Variants in TENM2 observed in about 807,000 individuals in gnomAD.
TENM2 encodes the protein teneurin-2.
In TENM2, 52 loss-of-function variants were observed where a neutral mutation model predicts 245.2. The ratio of observed to expected loss-of-function variants is 0.21; its 90% CI spans 0.17 to 0.27. TENM2 has a LOEUF of 0.27. Among genes scored for constraint, TENM2 ranks in the 10% least tolerant of loss-of-function variants. The pLI, the probability that TENM2 is intolerant of heterozygous loss-of-function variation, is 1.00. For missense variants in TENM2, 3,046 were observed against 3,666.8 expected (o/e 0.83, Z 4.37); for synonymous variants, 1,363 against 1,438.9 (o/e 0.95, Z 1.19).
At chr5:168,155,328 A>T (rs965448582) in intron 12 of TENM2, among the ~76,000 whole-genome samples, 1 of 151,240 alleles carries the variant, frequency 6.6e-6, no homozygotes, top group Non-Finnish European at 1.5e-5. Context: ...TAATTCCAAC[A>T]ATGCACAGCT....
At chr5:167,869,535 A>G (rs79756871) in intron 2 of TENM2, among the ~76,000 whole-genome samples, 2,350 of 152,326 alleles carry the variant, frequency 0.015, 71 homozygotes, top group African/African-American at 0.053. Flanking sequence ...CAGCACATCA[A>G]ATAGGCTAAA....
At chr5:167,750,313 GT>G (rs1353138976) in intron 2 of TENM2, among the ~76,000 whole-genome samples, 1 of 152,146 alleles carries the variant, frequency 6.6e-6, no homozygotes, top group African/African-American at 2.4e-5. Context: ...AGCAGCAGGT[GT>G]TTGCCAGGCG....
intron 2 of TENM2, among the ~76,000 whole-genome samples, chr5:167,575,357 C>A (rs548519814): frequency 2.1e-4 from 32 of 152,250 alleles, no homozygotes; most frequent in Middle Eastern, 3.4e-3. Context: ...AGGTTTGGTC[C>A]TAGAAAGAAC....
intron 13 of TENM2, among the ~76,000 whole-genome samples, chr5:168,164,257 A>G (rs961360348): frequency 6.6e-6 from 1 of 152,160 alleles, no homozygotes; most frequent in African/African-American, 2.4e-5. Flanking sequence ...TCTTGGGGTG[A>G]TTTTTTGGTT....
intron 12 of TENM2, chr5:168,149,385 A>G (rs1346318870): frequency 2.2e-6 from 1 of 457,148 alleles, no homozygotes; most frequent in East Asian, 6.9e-5. Context: ...TCTGCCTGCT[A>G]GTTCCAACCG....
the TENM2 span, among the ~76,000 whole-genome samples, chr5:166,999,676 G>A: frequency 6.6e-6 from 1 of 152,162 alleles, no homozygotes; most frequent in Non-Finnish European, 1.5e-5. Flanking sequence ...GTTATGGTGG[G>A]CATATGGTGG....
the TENM2 span, among the ~76,000 whole-genome samples, chr5:167,126,926 C>A: frequency 6.6e-6 from 1 of 151,848 alleles, no homozygotes; most frequent in Non-Finnish European, 1.5e-5. Flanking sequence ...TTTTCATGCA[C>A]AGTTATTTGA....
chr5:167,110,673 T>A, the TENM2 span, among the ~76,000 whole-genome samples: 6 of 152,224 alleles, frequency 3.9e-5, no homozygotes, highest in Non-Finnish European at 7.3e-5. Context: ...ACTCACCAGC[T>A]TCATCGCCTT....
the TENM2 span, among the ~76,000 whole-genome samples, chr5:167,063,181 C>T: frequency 6.6e-6 from 1 of 152,250 alleles, no homozygotes; most frequent in East Asian, 1.9e-4. Context: ...ATATCTGTTT[C>T]TGGAGCCACG....
intron 2 of TENM2, among the ~76,000 whole-genome samples, chr5:167,462,777 C>T (rs774050303): frequency 2.0e-4 from 30 of 151,710 alleles, no homozygotes; most frequent in Non-Finnish European, 3.4e-4. Context: ...GACTGTGGCG[C>T]GTAGAGGGCC....
intron 3 of TENM2, among the ~76,000 whole-genome samples, chr5:167,931,236 C>T (rs1310925180): frequency 6.6e-6 from 1 of 152,146 alleles, no homozygotes; most frequent in Non-Finnish European, 1.5e-5. Flanking sequence ...GGCCTGATTC[C>T]TGCTATGCAA....
the TENM2 span, among the ~76,000 whole-genome samples, chr5:167,271,189 C>T: frequency 6.6e-6 from 1 of 152,224 alleles, no homozygotes; most frequent in Middle Eastern, 3.4e-3. Flanking sequence ...TCTCCGAAAG[C>T]TCTGCATGGT....
intron 2 of TENM2, among the ~76,000 whole-genome samples, chr5:167,673,097 T>G (rs1024657607): frequency 6.6e-6 from 1 of 152,044 alleles, no homozygotes; most frequent in African/African-American, 2.4e-5. Context: ...CTGTTATGGC[T>G]GATAGCAGTG....
chr5:167,522,039 G>A (rs1206026982), intron 2 of TENM2, among the ~76,000 whole-genome samples: 2 of 151,806 alleles, frequency 1.3e-5, no homozygotes, highest in Non-Finnish European at 2.9e-5. Flanking sequence ...CTAATAAATG[G>A]GTTAAGACAT....
At chr5:168,089,490 C>T (rs1177657964) in intron 7 of TENM2, among the ~76,000 whole-genome samples, 1 of 152,208 alleles carries the variant, frequency 6.6e-6, no homozygotes, top group African/African-American at 2.4e-5. Flanking sequence ...TTTGACCTCC[C>T]CATCCCCTTA....
intron 1 of TENM2, 42 bp from the exon 4 acceptor site, chr5:167,375,156 T>C: frequency 6.5e-7 from 1 of 1,532,248 alleles, no homozygotes; most frequent in African/African-American, 1.4e-5. Context: ...TTGTAAAGCA[T>C]CTCACAAATT....
At chr5:167,207,249 G>A in the TENM2 span, among the ~76,000 whole-genome samples, 3 of 152,148 alleles carry the variant, frequency 2.0e-5, no homozygotes, top group African/African-American at 7.2e-5. Flanking sequence ...GTGATGGTGC[G>A]AGGTCTAAAT....
chr5:167,403,328 A>AAT (rs397821383), intron 2 of TENM2, among the ~76,000 whole-genome samples: 1 of 151,698 alleles, frequency 6.6e-6, no homozygotes, highest in Non-Finnish European at 1.5e-5. Flanking sequence ...TAAAAAAAAA[A>AAT]CAGTTTGAAG....
At chr5:167,248,889 T>C in the TENM2 span, among the ~76,000 whole-genome samples, 2 of 152,194 alleles carry the variant, frequency 1.3e-5, no homozygotes, top group South Asian at 2.1e-4. Context: ...GTATACAATG[T>C]GTGCTAGAAG....
Sources: allele counts gnomAD v4.1 joint callset (sites outside exome capture counted in the v4.1 genomes callset), GRCh38; gene constraint gnomAD v4.1.1; transcripts MANE v1.5; gene names NCBI Gene and HGNC (gene_info 2026-07-23, HGNC 2026-07-21).